CYSLTR2: variants seen among roughly 807,000 people sequenced by gnomAD.
CYSLTR2 encodes cysteinyl leukotriene receptor 2, also known as G-protein coupled receptor GPCR21.
For synonymous variants in CYSLTR2, 179 were observed against 160.8 expected (o/e 1.11, Z -0.86); for missense variants, 398 against 411.9 (o/e 0.97, Z 0.29).
intron 1 of CYSLTR2, among the ~76,000 whole-genome samples, chr13:48,679,271 G>T (rs939431000): frequency 7.2e-5 from 11 of 152,064 alleles, no homozygotes; most frequent in Non-Finnish European, 1.2e-4. Context: ...GGCTGGTGTG[G>T]CCCCTCCCCT....
intron 4 of CYSLTR2, among the ~76,000 whole-genome samples, chr13:48,700,074 G>A (rs1012499558): frequency 9.9e-5 from 15 of 152,220 alleles, no homozygotes; most frequent in South Asian, 6.2e-4. Context: ...ATTCACAGCC[G>A]AATTCTACCA....
intron 4 of CYSLTR2, among the ~76,000 whole-genome samples, chr13:48,700,281 G>A (rs1218767648): frequency 1.3e-5 from 2 of 152,162 alleles, no homozygotes; most frequent in African/African-American, 4.8e-5. Context: ...TAAAATACTG[G>A]CAAACCAAAT....
chr13:48,678,583 G>A (rs1593970363), intron 1 of CYSLTR2, among the ~76,000 whole-genome samples: 1 of 152,024 alleles, frequency 6.6e-6, no homozygotes, highest in Admixed American at 6.6e-5. Context: ...CATTTATCAG[G>A]TTCACCTAGT....
At chr13:48,656,476 A>C (rs941867772) in intron 1 of CYSLTR2, among the ~76,000 whole-genome samples, 6 of 152,220 alleles carry the variant, frequency 3.9e-5, no homozygotes. Context: ...AGACGGCTGC[A>C]GTAATAAAAG....
chr13:48,677,910 C>A (rs1377613509), intron 1 of CYSLTR2, among the ~76,000 whole-genome samples: 2 of 150,946 alleles, frequency 1.3e-5, no homozygotes, highest in Non-Finnish European at 2.9e-5. Flanking sequence ...ACTTCATCAC[C>A]CAGGCTGGAG....
chr13:48,707,587 T>A lies in CYSLTR2; in HGVS notation c.770T>A (p.Phe257Tyr). The change falls in exon 5 of 5, where the codon TTC (phenylalanine) becomes TAC (tyrosine). Residue 257 changes from phenylalanine (F) to tyrosine (Y), a missense_variant. Coordinates refer to ENST00000682523, the MANE Select transcript of CYSLTR2 (RefSeq NM_001308476.3). The part of the protein sequence containing the change: ...TTIIITLIIF[F>Y]LCFLPYHTLR... ...ATCATCATCACCTTGATCATCTTCT[T>A]CTTGTGTTTCCTGCCCTATCACACA... is the stretch of plus-strand genomic sequence containing the variant. The A allele has an allele frequency of 6.2e-7, 1 of 1,610,118 alleles. No individual in the cohort carries two copies. Among genetic ancestry groups the A allele is most frequent in the Non-Finnish European group, 8.5e-7 (1 of 1,179,998 alleles).
chr13:48,705,630 C>CAT (rs199982306), intron 4 of CYSLTR2, among the ~76,000 whole-genome samples: 1,705 of 147,924 alleles, frequency 0.012, 11 homozygotes, highest in Middle Eastern at 0.022. Flanking sequence ...TAAAGATATA[C>CAT]ATATATATAT....
At chr13:48,689,647 T>C (rs1451759508) in intron 1 of CYSLTR2, among the ~76,000 whole-genome samples, 4 of 152,254 alleles carry the variant, frequency 2.6e-5, no homozygotes, top group Non-Finnish European at 5.9e-5. Context: ...TCTGTTTTGG[T>C]TACTGTAGCT....
intron 1 of CYSLTR2, among the ~76,000 whole-genome samples, chr13:48,685,854 T>C (rs1171209758): frequency 2.0e-5 from 3 of 152,212 alleles, no homozygotes; most frequent in Non-Finnish European, 4.4e-5. Flanking sequence ...AAAAAAAGTT[T>C]TCAAGGTTAA....
chr13:48,701,852 C>T (rs987843159), intron 4 of CYSLTR2, among the ~76,000 whole-genome samples: 1 of 152,054 alleles, frequency 6.6e-6, no homozygotes, highest in Non-Finnish European at 1.5e-5. Flanking sequence ...AGAGAGTGTG[C>T]CAATTCCTCA....
intron 4 of CYSLTR2, among the ~76,000 whole-genome samples, chr13:48,705,130 G>A (rs554944341): frequency 6.6e-6 from 1 of 152,252 alleles, no homozygotes; most frequent in South Asian, 2.1e-4. Flanking sequence ...TTTAGAATTG[G>A]TACGTCTTCT....
intron 4 of CYSLTR2, among the ~76,000 whole-genome samples, chr13:48,697,438 A>G (rs79248739): frequency 6.6e-6 from 1 of 152,234 alleles, no homozygotes; most frequent in African/African-American, 2.4e-5. Context: ...ACAGACCTGC[A>G]GCTGAGGGTC....
At chr13:48,662,432 T>C (rs1953153398) in intron 1 of CYSLTR2, among the ~76,000 whole-genome samples, 1 of 152,148 alleles carries the variant, frequency 6.6e-6, no homozygotes, top group Non-Finnish European at 1.5e-5. Flanking sequence ...GGAACCTCCA[T>C]ATAGTTCTCC....
chr13:48,662,724 A>C (rs1177673778), intron 1 of CYSLTR2, among the ~76,000 whole-genome samples: 2 of 152,150 alleles, frequency 1.3e-5, no homozygotes, highest in Non-Finnish European at 2.9e-5. Flanking sequence ...GAGATGTTTG[A>C]GTACCTTGTA....
intron 1 of CYSLTR2, among the ~76,000 whole-genome samples, chr13:48,660,338 T>G (rs1437908055): frequency 6.6e-6 from 1 of 152,190 alleles, no homozygotes; most frequent in Non-Finnish European, 1.5e-5. Flanking sequence ...AGAAAACTCT[T>G]CACCAATGGC....
At chr13:48,701,157 AAG>A (rs1410144424) in intron 4 of CYSLTR2, among the ~76,000 whole-genome samples, 2 of 152,240 alleles carry the variant, frequency 1.3e-5, no homozygotes, top group Non-Finnish European at 2.9e-5. Context: ...GGAACCAAAA[AAG>A]AGCCCGCATT....
At chr13:48,654,306 AGT>A (rs372670890) in intron 1 of CYSLTR2, among the ~76,000 whole-genome samples, 886 of 40,526 alleles carry the variant, frequency 0.022, 2 homozygotes, top group Middle Eastern at 0.042. Flanking sequence ...TGTGTGTGTG[AGT>A]GTGTGTGTGT....
At chr13:48,673,819 G>A (rs1953518780) in intron 1 of CYSLTR2, among the ~76,000 whole-genome samples, 1 of 152,060 alleles carries the variant, frequency 6.6e-6, no homozygotes. Context: ...CAGGCCTGGT[G>A]GTGACAAAAT....
In CYSLTR2 at chr13:48,707,798, G is replaced by A; in HGVS notation, c.981G>A (p.Lys327=). ...CACTCAGAAAAGGCCATCCACAGAAGGCAAAGACAAAGTGTGTTTTCCCTG... is the reference window on the plus strand; with the variant it reads ...CACTCAGAAAAGGCCATCCACAGAAAGCAAAGACAAAGTGTGTTTTCCCTG... ...KSALRKGHPQ[K]AKTKCVFPVS... The change falls in exon 5 of 5, where the codon AAG becomes AAA. Residue 327 remains lysine (K), a synonymous_variant. Transcript: ENST00000682523. 1.3e-6 allele frequency: 2 copies of A among 1,557,472 alleles called. No individual in the cohort carries two copies. The highest frequency in any genetic ancestry group is 1.7e-6 in the Non-Finnish European group (2 of 1,153,396).
Sources: gnomAD v4.1 joint callset for allele counts (sites outside exome capture counted in the v4.1 genomes callset) on GRCh38, gnomAD v4.1.1 for gene constraint, MANE v1.5 for transcripts, NCBI Gene and HGNC (gene_info 2026-07-23, HGNC 2026-07-21) for gene names.